The following PTPRN2 variants were observed in gnomAD, a reference collection of about 807,000 sequenced individuals.
PTPRN2 encodes the protein receptor-type tyrosine-protein phosphatase N2.
Under a neutral mutation model 118.8 loss-of-function variants are expected in PTPRN2, and 74 were observed. The ratio of observed to expected loss-of-function variants is 0.62; its 90% confidence interval spans 0.52 to 0.76. The LOEUF (loss-of-function observed/expected upper bound fraction) is 0.76, where lower values mean the gene tolerates loss of function less well. PTPRN2 is among the 30% of genes least tolerant of loss of function. PTPRN2 has a pLI of 0.00. For missense variants in PTPRN2, 1,481 were observed against 1,394.4 expected (o/e 1.06, Z -0.99); for synonymous variants, 641 against 608.0 (o/e 1.05, Z -0.80).
At chr7:157,678,249 T>C (rs1190057772) in intron 13 of PTPRN2, among the ~76,000 whole-genome samples, 1 of 152,208 alleles carries the variant, frequency 6.6e-6, no homozygotes, top group Non-Finnish European at 1.5e-5. Context: ...TTTAAATATA[T>C]AGTGAGGAAA....
chr7:157,812,054 C>T (rs1159370031), intron 12 of PTPRN2, among the ~76,000 whole-genome samples: 4 of 152,132 alleles, frequency 2.6e-5, no homozygotes, highest in African/African-American at 4.8e-5. Context: ...TCAGGGCAGG[C>T]GGACTCCATG....
In PTPRN2 at chr7:157,952,348, C is replaced by T. The variant is rs1048400907; in HGVS notation, c.1724-53611G>A. 2.9e-5 allele frequency among the ~76,000 whole-genome samples: 4 copies of T among 135,680 alleles called. 1 individual carries two copies. The highest frequency in any genetic ancestry group is 5.6e-5 in the African/African-American group (2 of 35,442). The allele number at this position is 135,680 out of a possible 152,430, so 89.0% of individuals were successfully genotyped here. On this transcript the variant is annotated intron_variant, in intron 11 of 22. Transcript: ENST00000389418. ...CACGCCTGAGACAGGGTGGGGGACACGAAGGGAGACAGGCGAGGGTGGGAC... is the reference window on the plus strand; with the variant it reads ...CACGCCTGAGACAGGGTGGGGGACATGAAGGGAGACAGGCGAGGGTGGGAC...
chr7:157,641,343 C>G (rs1302290282), intron 14 of PTPRN2, among the ~76,000 whole-genome samples: 1 of 152,132 alleles, frequency 6.6e-6, no homozygotes, highest in African/African-American at 2.4e-5. Flanking sequence ...ATATGTAAGG[C>G]AAAGAATGAG....
intron 3 of PTPRN2, among the ~76,000 whole-genome samples, chr7:158,251,371 G>A (rs572128870): frequency 1.1e-4 from 16 of 152,196 alleles, no homozygotes; most frequent in Non-Finnish European, 1.5e-4. Flanking sequence ...CATGTGGGGC[G>A]TGTGCAGGTG....
chr7:158,545,981 T>C (rs926344071), intron 1 of PTPRN2, among the ~76,000 whole-genome samples: 2 of 151,858 alleles, frequency 1.3e-5, no homozygotes, highest in African/African-American at 4.8e-5. Context: ...CCTGGGTGTC[T>C]CAAAAAAAAG....
rs183417888 is a variant in PTPRN2, at chr7:158,520,750, G to A, written c.113-30965C>T. The stretch of plus-strand genomic sequence containing the variant: ...GAAACAAACATACGAAGAACGATCG[G>A]GTGGCTGCTTATCAGAAAATCCTAA... On this transcript the variant is annotated intron_variant, in intron 1 of 22. Coordinates refer to ENST00000389418, the MANE Select transcript of PTPRN2 (RefSeq NM_002847.5). Among the ~76,000 whole-genome samples the A allele has an allele frequency of 1.2e-4, 18 of 152,236 alleles. 1 individual carries two copies. Among genetic ancestry groups the A allele is most frequent in the African/African-American group, 3.9e-4 (16 of 41,540 alleles).
At chr7:158,220,565 T>C (rs747513471) in intron 3 of PTPRN2, among the ~76,000 whole-genome samples, 1 of 152,128 alleles carries the variant, frequency 6.6e-6, no homozygotes, top group Non-Finnish European at 1.5e-5. Context: ...ATATCATTTC[T>C]ACACATCAAT....
At chr7:157,923,587 G>A (rs1428649511) in intron 11 of PTPRN2, among the ~76,000 whole-genome samples, 1 of 152,120 alleles carries the variant, frequency 6.6e-6, no homozygotes, top group Non-Finnish European at 1.5e-5. Context: ...ATTATTTGGG[G>A]GCAAACGTCC....
intron 6 of PTPRN2, among the ~76,000 whole-genome samples, chr7:158,149,228 A>T (rs976118397): frequency 1.4e-4 from 21 of 151,180 alleles, no homozygotes; most frequent in Admixed American, 4.6e-4. Flanking sequence ...CCTGCTCTCC[A>T]AGCTGGCACC....
At chr7:157,735,201 A>G (rs1035893428) in intron 12 of PTPRN2, among the ~76,000 whole-genome samples, 2 of 152,258 alleles carry the variant, frequency 1.3e-5, no homozygotes, top group African/African-American at 4.8e-5. Flanking sequence ...GCACAGCCAC[A>G]TTGGCCATTT....
rs978674366 is a variant in PTPRN2 at position 158,525,995 on chromosome 7, A to C, written c.113-36210T>G. 1.1e-4 allele frequency among the ~76,000 whole-genome samples: 16 copies of C among 152,004 alleles called. No homozygotes were observed. The highest frequency in any genetic ancestry group is 2.1e-4 in the South Asian group (1 of 4,814). ...CCCCCATTGACTCGGCTCTCTGCAG[A>C]CCTGCAGACCTGCAGCCCAGCCCCT... is the stretch of plus-strand genomic sequence containing the variant. On this transcript the variant is annotated intron_variant, in intron 1 of 22. Coordinates refer to ENST00000389418, the MANE Select transcript of PTPRN2 (RefSeq NM_002847.5). This position sits in a 1 kb window ranked among gnomAD's most constrained non-coding sequence, Gnocchi z 4.1.
At chr7:157,754,057 C>T (rs564494122) in intron 12 of PTPRN2, among the ~76,000 whole-genome samples, 201 of 152,322 alleles carry the variant, frequency 1.3e-3, no homozygotes, top group South Asian at 4.6e-3. Flanking sequence ...GAGGACCAGG[C>T]GTTGTGGCTG....
At chr7:158,139,729 G>A (rs1317144657) in intron 6 of PTPRN2, among the ~76,000 whole-genome samples, 1 of 152,120 alleles carries the variant, frequency 6.6e-6, no homozygotes, top group Non-Finnish European at 1.5e-5. Context: ...GAATGGAAAG[G>A]GTCCCAGGAG....
At chr7:158,312,954 G>A (rs1342872477) in intron 3 of PTPRN2, among the ~76,000 whole-genome samples, 2 of 151,758 alleles carry the variant, frequency 1.3e-5, no homozygotes, top group African/African-American at 4.8e-5. Flanking sequence ...GCAGGGGTGT[G>A]TGCGTGTGTG....
At chr7:158,466,166 C>A (rs1819367889) in intron 2 of PTPRN2, among the ~76,000 whole-genome samples, 1 of 152,232 alleles carries the variant, frequency 6.6e-6, no homozygotes, top group Non-Finnish European at 1.5e-5. Flanking sequence ...CCTCCACCCT[C>A]TCCTAGAGGC....
chr7:158,035,213 G>A (rs924695328), intron 11 of PTPRN2, among the ~76,000 whole-genome samples: 2 of 152,194 alleles, frequency 1.3e-5, no homozygotes, highest in African/African-American at 4.8e-5. Context: ...TCACTTCATA[G>A]TCAACAAGTG....
chr7:157,633,145 T>TC, intron 14 of PTPRN2, among the ~76,000 whole-genome samples: 1 of 119,680 alleles, frequency 8.4e-6, no homozygotes, highest in East Asian at 2.0e-4. Context: ...TTTTCTTTTC[T>TC]TTTTTTTTTT....
At chr7:157,761,235 T>C (rs1273200871) in intron 12 of PTPRN2, among the ~76,000 whole-genome samples, 3 of 151,900 alleles carry the variant, frequency 2.0e-5, no homozygotes, top group Non-Finnish European at 2.9e-5. Context: ...CTTCACAGAA[T>C]TGGAAAAAAA....
intron 12 of PTPRN2, among the ~76,000 whole-genome samples, chr7:157,805,935 C>T (rs542926306): frequency 3.3e-5 from 5 of 152,240 alleles, no homozygotes; most frequent in South Asian, 2.1e-4. Flanking sequence ...CCACACACAC[C>T]GTGGCTGTGT....
Sources: gnomAD v4.1 joint callset for allele counts (sites outside exome capture counted in the v4.1 genomes callset) on GRCh38, gnomAD v4.1.1 for gene constraint, Gnocchi (gnomAD v3.1) non-coding constraint, MANE v1.5 for transcripts, NCBI Gene and HGNC (gene_info 2026-07-23, HGNC 2026-07-21) for gene names.